The following USP40 variants were observed in gnomAD, a reference collection of about 807,000 sequenced individuals.
The protein encoded by USP40 is ubiquitin carboxyl-terminal hydrolase 40.
Under a neutral mutation model 166.2 loss-of-function variants are expected in USP40, and 143 were observed. The ratio of observed to expected loss-of-function variants is 0.86; its 90% CI spans 0.75 to 0.99. The LOEUF (loss-of-function observed/expected upper bound fraction) is 0.99, where lower values mean the gene tolerates loss of function less well. Ranked by LOEUF, USP40 falls within the 50% of genes least tolerant of loss-of-function variation. USP40 has a pLI of 0.00. For missense variants in USP40, 1,444 were observed against 1,479.7 expected, an observed-to-expected ratio of 0.98 and a Z score of 0.40; for synonymous variants, 498 against 524.0, an observed-to-expected ratio of 0.95 and a Z score of 0.68.
chr2:233,503,479 A>G lies in USP40; in HGVS notation c.2614-3564T>C, dbSNP rs189931128. Among the ~76,000 whole-genome samples the G allele has an allele frequency of 7.2e-5, 11 of 152,322 alleles. No individual in the cohort carries two copies. The East Asian group carries it at 2.1e-3, about 29-fold the overall frequency. The stretch of plus-strand genomic sequence containing the variant: ...AAAGATCCTCTTTGGGCACTTTATA[A>G]TAAGACTCTCAAAAGTTAAAGACAA... On this transcript the variant is annotated intron_variant, in intron 21 of 31. Transcript: ENST00000678225.
intron 23 of USP40, among the ~76,000 whole-genome samples, chr2:233,497,532 A>C (rs542946269): frequency 6.6e-6 from 1 of 152,302 alleles, no homozygotes; most frequent in East Asian, 1.9e-4. Context: ...AACATGAAGA[A>C]TGAAAGATAA....
chr2:233,491,432 ATGT>A, intron 25 of USP40, 171 bp from the exon 26 acceptor site: 1 of 618,016 alleles, frequency 1.6e-6, no homozygotes, highest in Non-Finnish European at 2.9e-6. Flanking sequence ...AGGCAGGGAC[ATGT>A]TGTCGGCAGA....
At chr2:233,492,105 C>T (rs893116435) in intron 25 of USP40, among the ~76,000 whole-genome samples, 1 of 152,250 alleles carries the variant, frequency 6.6e-6, no homozygotes, top group Non-Finnish European at 1.5e-5. Flanking sequence ...AAAGACCACA[C>T]ATGTGATGTG....
At chr2:233,478,791 A>C (rs78942633) in intron 31 of USP40, among the ~76,000 whole-genome samples, 1 of 152,016 alleles carries the variant, frequency 6.6e-6, no homozygotes, top group African/African-American at 2.4e-5. Flanking sequence ...TGAAAACAGC[A>C]AGGTTACCAA....
chr2:233,521,146 T>C (rs373560963), intron 16 of USP40, 32 bp from the exon 17 acceptor site: 1 of 1,590,584 alleles, frequency 6.3e-7, no homozygotes. Flanking sequence ...CAGAAATTAA[T>C]ACCTTTCCTT....
In USP40 at chr2:233,566,717, C is replaced by A; in HGVS notation, c.-53G>T. 1 of 986,050 alleles carries A rather than the reference C, an allele frequency of 1.0e-6. No individual in the cohort carries two copies. Among genetic ancestry groups the A allele is most frequent in the Non-Finnish European group, 1.2e-6 (1 of 830,052 alleles). 61.1% of individuals were successfully genotyped at this position (986,050 alleles called of 1,614,324 possible). The stretch of plus-strand genomic sequence containing the variant: ...GCCCAGACCCCCGCCCTGGCCAAAA[C>A]GCGAAGCGAACGAACCCGCCCCAAC... On this transcript the variant is annotated 5_prime_UTR_variant, in exon 1 of 32. Coordinates refer to ENST00000678225, the MANE Select transcript of USP40 (RefSeq NM_001365479.2).
intron 21 of USP40, among the ~76,000 whole-genome samples, chr2:233,509,315 A>G (rs372470147): frequency 2.6e-5 from 4 of 152,340 alleles, no homozygotes; most frequent in African/African-American, 9.6e-5. Flanking sequence ...TCAGTTCTCA[A>G]TAACAGCAAT....
rs188542974 is a variant in USP40, at chr2:233,508,151, T to A, written c.2613+1898A>T. Among the ~76,000 whole-genome samples the A allele has an allele frequency of 2.7e-3, 409 of 152,278 alleles. 1 individual carries two copies. Among genetic ancestry groups the A allele is most frequent in the Admixed American group, 4.8e-3 (73 of 15,290 alleles). ...TTCATCTGTAAATATTTATTATGCA[T>A]CTCTAAAAGATATTTTTAAAAACCT... On this transcript the variant is annotated intron_variant, in intron 21 of 31. Transcript: ENST00000678225.
chr2:233,559,984 A>G (rs1157364258), intron 3 of USP40, 60 bp from the exon 4 acceptor site: 1 of 1,239,818 alleles, frequency 8.1e-7, no homozygotes, highest in South Asian at 1.4e-5. Flanking sequence ...AAGGCTTTTG[A>G]AAACAACTGC....
chr2:233,490,791 C>T (rs2065284179), intron 26 of USP40, among the ~76,000 whole-genome samples: 1 of 152,144 alleles, frequency 6.6e-6, no homozygotes, highest in African/African-American at 2.4e-5. Context: ...CACAGCTTTT[C>T]ATAACAACAT....
chr2:233,523,535 A>G (rs1187070583), intron 15 of USP40, 46 bp from the exon 16 acceptor site: 1 of 1,511,824 alleles, frequency 6.6e-7, no homozygotes, highest in Non-Finnish European at 9.0e-7. Flanking sequence ...ATATTTGCCA[A>G]CACCGTCAAC....
intron 4 of USP40, among the ~76,000 whole-genome samples, chr2:233,559,078 T>C (rs1056610817): frequency 6.6e-6 from 1 of 152,238 alleles, no homozygotes; most frequent in South Asian, 2.1e-4. Context: ...CATCCATCTA[T>C]TCCATATAAA....
intron 8 of USP40, among the ~76,000 whole-genome samples, chr2:233,548,879 A>G (rs1189223011): frequency 1.3e-5 from 2 of 152,124 alleles, no homozygotes; most frequent in Non-Finnish European, 2.9e-5. Context: ...ATCTAGGTAA[A>G]GGGTATACAG....
chr2:233,483,244 C>CT (rs1410708680), intron 30 of USP40, among the ~76,000 whole-genome samples: 1 of 152,186 alleles, frequency 6.6e-6, no homozygotes, highest in African/African-American at 2.4e-5. Flanking sequence ...AATCCCAGCT[C>CT]TTTGGGAGGC....
chr2:233,499,334 T>G (rs139169102), intron 22 of USP40, among the ~76,000 whole-genome samples: 1,553 of 152,296 alleles, frequency 0.01, 27 homozygotes, highest in African/African-American at 0.035. Flanking sequence ...GCAAAGGACA[T>G]GATCTCATTC....
intron 9 of USP40, among the ~76,000 whole-genome samples, chr2:233,542,002 GC>G (rs2069462896): frequency 6.6e-6 from 1 of 151,874 alleles, no homozygotes; most frequent in African/African-American, 2.4e-5. Context: ...TCAGTATCTG[GC>G]CTACTTATAC....
chr2:233,481,511 C>A, intron 30 of USP40: 1 of 561,224 alleles, frequency 1.8e-6, no homozygotes, highest in Non-Finnish European at 3.1e-6. Flanking sequence ...TAATTTCCAG[C>A]CATCTGACCT....
intron 9 of USP40, among the ~76,000 whole-genome samples, chr2:233,541,562 A>G (rs1343270062): frequency 1.3e-5 from 2 of 152,232 alleles, no homozygotes; most frequent in East Asian, 3.8e-4. Flanking sequence ...CATCTAAGCC[A>G]TGCAGTCTGT....
chr2:233,563,314 C>G (rs533536992), intron 2 of USP40, among the ~76,000 whole-genome samples: 2 of 152,088 alleles, frequency 1.3e-5, no homozygotes, highest in Non-Finnish European at 2.9e-5. Flanking sequence ...CAACCCCATG[C>G]GAGTCTCCAG....
Sources: gnomAD v4.1 joint callset for allele counts (sites outside exome capture counted in the v4.1 genomes callset) on GRCh38, gnomAD v4.1.1 for gene constraint, MANE v1.5 for transcripts, NCBI Gene and HGNC (gene_info 2026-07-23, HGNC 2026-07-21) for gene names.